Variants in FAM81A observed in about 807,000 individuals in gnomAD.
FAM81A encodes protein FAM81A.
FAM81A carries 19 observed loss-of-function variants against 46.7 expected under a neutral mutation model. The observed-to-expected ratio is 0.41, with a 90% CI of 0.28 to 0.60. The LOEUF (loss-of-function observed/expected upper bound fraction) is 0.60, where lower values mean the gene tolerates loss of function less well. FAM81A is among the 20% of genes least tolerant of loss of function. The pLI is 0.34. For missense variants in FAM81A, 377 were observed against 453.5 expected (o/e 0.83, Z 1.53); for synonymous variants, 183 against 152.9 (o/e 1.20, Z -1.45).
intron 7 of FAM81A, among the ~76,000 whole-genome samples, chr15:59,515,860 A>C (rs1404435437): frequency 6.6e-6 from 1 of 152,106 alleles, no homozygotes; most frequent in African/African-American, 2.4e-5. Flanking sequence ...ATTTCGCATA[A>C]TGGAAGTCTG....
At chr15:59,454,185 T>C (rs910081691) in intron 1 of FAM81A, among the ~76,000 whole-genome samples, 1 of 152,256 alleles carries the variant, frequency 6.6e-6, no homozygotes, top group Admixed American at 6.5e-5. Flanking sequence ...TACCATCATA[T>C]TACAACCACT....
Position 59,478,401 on chromosome 15 carries a change from G to A in FAM81A, c.295-13870G>A, listed in dbSNP as rs577828686. 3.3e-5 allele frequency among the ~76,000 whole-genome samples: 5 copies of A among 152,328 alleles called. No individual in the cohort carries two copies. In the South Asian group the frequency reaches 8.3e-4, roughly 25 times the overall value. On this transcript the variant is annotated intron_variant, in intron 3 of 8. Coordinates refer to ENST00000288228, the MANE Select transcript of FAM81A (RefSeq NM_152450.3). The stretch of plus-strand genomic sequence containing the variant: ...ACTACTGGAGTTTTTGAACTTGAGC[G>A]ATGAGTGCAGCATTGGGCTTTACTA...
chr15:59,465,236 T>C (rs914300443), intron 3 of FAM81A, among the ~76,000 whole-genome samples: 1 of 152,172 alleles, frequency 6.6e-6, no homozygotes, highest in Admixed American at 6.6e-5. Flanking sequence ...TATTTTGAGG[T>C]CTGGTAGTGT....
chr15:59,444,696 C>CT, intron 1 of FAM81A, among the ~76,000 whole-genome samples: 1 of 152,288 alleles, frequency 6.6e-6, no homozygotes, highest in Non-Finnish European at 1.5e-5. Flanking sequence ...GTATTTCACT[C>CT]TTTCTGTCTG....
At chr15:59,505,512 G>A (rs73417085) in intron 4 of FAM81A, among the ~76,000 whole-genome samples, 4,252 of 133,796 alleles carry the variant, frequency 0.032, 217 homozygotes, top group African/African-American at 0.11. Flanking sequence ...ACTCTGTCTC[G>A]AAAAAAAAAA....
At chr15:59,454,649 A>AGGGTCTTTTTTTGAGACT (rs1470800381) in intron 1 of FAM81A, among the ~76,000 whole-genome samples, 2 of 151,948 alleles carry the variant, frequency 1.3e-5, no homozygotes, top group Non-Finnish European at 2.9e-5. Context: ...TTTTTGAGAC[A>AGGGTCTTTTTTTGAGACT]GGGTCTTACT....
chr15:59,432,128 A>T (rs572724963), intron 2 of FAM81A, among the ~76,000 whole-genome samples: 90 of 152,328 alleles, frequency 5.9e-4, no homozygotes, highest in Non-Finnish European at 1.2e-3. Context: ...TAAACACTGC[A>T]TCACTCTATA....
At chr15:59,404,581 C>T (rs773560737) in intron 2 of FAM81A, among the ~76,000 whole-genome samples, 2 of 152,198 alleles carry the variant, frequency 1.3e-5, no homozygotes, top group Non-Finnish European at 2.9e-5. Flanking sequence ...CTACCTCAGC[C>T]TCCTGATTGA....
At position 59,507,451 on chromosome 15, in the gene FAM81A, G is replaced by T. The variant is rs148741811; in HGVS notation, c.543+109G>T. 7,854 of 1,367,230 alleles carry T rather than the reference G, an allele frequency of 5.7e-3. 32 individuals are homozygous for T. Among genetic ancestry groups the T allele is most frequent in the Admixed American group, 7.6e-3 (314 of 41,302 alleles). The allele number at this position is 1,367,230 out of a possible 1,614,324, so 84.7% of individuals were successfully genotyped here. A position where few individuals can be genotyped will look rare whatever the true frequency, so the allele number is the denominator to read the frequency against. ...AGAAACCAGCTGGGGCATCTAGCAT[G>T]GGTTTATGCCAATCATAAGCATCTT... On this transcript the variant is annotated intron_variant, in intron 5 of 8. Transcript: ENST00000288228.
chr15:59,459,892 A>T lies in FAM81A; in HGVS notation c.21-41A>T, dbSNP rs541074309. On this transcript the variant is annotated intron_variant, in intron 2 of 8. Coordinates refer to ENST00000288228, the MANE Select transcript of FAM81A (RefSeq NM_152450.3). ...AGTTTTGAATCTGGCTTTAAACATTATTTTTTCCCAATTAACAACCCTCAT... is the reference window on the plus strand; with the variant it reads ...AGTTTTGAATCTGGCTTTAAACATTTTTTTTTCCCAATTAACAACCCTCAT... 6.5e-5 allele frequency: 98 copies of T among 1,517,412 alleles called. 2 individuals are homozygous for T. The South Asian group carries it at 1.2e-3, about 18-fold the overall frequency. The allele number at this position is 1,517,412 out of a possible 1,614,324, so 94.0% of individuals were successfully genotyped here.
intron 2 of FAM81A, among the ~76,000 whole-genome samples, chr15:59,422,325 C>T (rs1443040883): frequency 1.3e-5 from 2 of 152,072 alleles, no homozygotes; most frequent in Non-Finnish European, 2.9e-5. Context: ...GAGTTCGAGG[C>T]TGAAGTGAGC....
chr15:59,504,170 C>A (rs941052035), intron 4 of FAM81A, among the ~76,000 whole-genome samples: 7 of 151,970 alleles, frequency 4.6e-5, no homozygotes, highest in Non-Finnish European at 7.4e-5. Flanking sequence ...CCTCAGCTTT[C>A]CCCAAATATG....
intron 1 of FAM81A, among the ~76,000 whole-genome samples, chr15:59,440,840 C>T (rs1207098587): frequency 1.3e-5 from 2 of 152,164 alleles, no homozygotes; most frequent in Non-Finnish European, 2.9e-5. Flanking sequence ...TCCTTTGTTT[C>T]AATGTGTTGG....
At chr15:59,477,803 C>T (rs376047913) in intron 3 of FAM81A, among the ~76,000 whole-genome samples, 10 of 152,276 alleles carry the variant, frequency 6.6e-5, no homozygotes, top group African/African-American at 2.4e-4. Flanking sequence ...TACTAATACA[C>T]AGTAAGTGCT....
chr15:59,514,209 C>T (rs1207146899), intron 6 of FAM81A, 80 bp from the exon 7 acceptor site: 3 of 1,376,112 alleles, frequency 2.2e-6, no homozygotes, highest in Admixed American at 2.8e-5. Flanking sequence ...TGTATATCCT[C>T]AACATGTACC....
Position 59,460,043 on chromosome 15 carries a change from C to T in FAM81A, c.131C>T (p.Thr44Ile). Reference protein sequence around the residue: ...EDRILCHEKTTAALVEHAFRI... With the variant: ...EDRILCHEKTIAALVEHAFRI... Reference sequence around the variant, plus strand: ...AGGATCCTCTGCCATGAGAAAACCACCGCCGCCCTCGTAGAGCACGCCTTT... The same window carrying T: ...AGGATCCTCTGCCATGAGAAAACCATCGCCGCCCTCGTAGAGCACGCCTTT... Residue 44 changes from threonine to isoleucine, a missense_variant, in exon 3 of 9, where the codon ACC becomes ATC. Thr to Ile is a moderately conservative substitution (Grantham distance 89). Coordinates refer to ENST00000288228, the MANE Select transcript of FAM81A (RefSeq NM_152450.3). This position sits in a 1 kb window ranked among gnomAD's most constrained non-coding sequence, Gnocchi z 4.4. 1 of 1,613,950 alleles carries T rather than the reference C, an allele frequency of 6.2e-7. No individual in the cohort carries two copies. Among genetic ancestry groups the T allele is most frequent in the Non-Finnish European group, 8.5e-7 (1 of 1,179,886 alleles).
intron 2 of FAM81A, among the ~76,000 whole-genome samples, chr15:59,425,188 A>G (rs1161496308): frequency 3.3e-5 from 5 of 152,136 alleles, no homozygotes; most frequent in Middle Eastern, 3.2e-3. Flanking sequence ...AAGCTCCATG[A>G]GGGCATAGAC....
chr15:59,465,074 T>C (rs2081596141), intron 3 of FAM81A, among the ~76,000 whole-genome samples: 2 of 152,224 alleles, frequency 1.3e-5, no homozygotes, highest in Admixed American at 1.3e-4. Flanking sequence ...AGATTTGTCT[T>C]TCCCTCAATG....
At chr15:59,477,621 A>G (rs2081789586) in intron 3 of FAM81A, among the ~76,000 whole-genome samples, 1 of 152,230 alleles carries the variant, frequency 6.6e-6, no homozygotes, top group Non-Finnish European at 1.5e-5. Flanking sequence ...AAGAGCTAGA[A>G]CAGAGTCTTA....
Sources: allele counts gnomAD v4.1 joint callset (sites outside exome capture counted in the v4.1 genomes callset), GRCh38; gene constraint gnomAD v4.1.1; non-coding constraint Gnocchi (gnomAD v3.1); transcripts MANE v1.5; gene names NCBI Gene and HGNC (gene_info 2026-07-23, HGNC 2026-07-21).